Variants in PREP observed in about 807,000 individuals in gnomAD.
PREP encodes the protein prolyl endopeptidase.
PREP carries 29 observed loss-of-function variants against 87.6 expected under a neutral mutation model. That is an observed-to-expected ratio of 0.33 (90% CI 0.25 to 0.45). PREP has a LOEUF of 0.45. Among genes scored for constraint, PREP ranks in the 20% least tolerant of loss-of-function variants. PREP has a pLI of 1.00. For missense variants in PREP, 695 were observed against 886.5 expected (o/e 0.78, Z 2.74); for synonymous variants, 337 against 328.6 (o/e 1.03, Z -0.28).
At chr6:105,332,166 C>G (rs138577713) in intron 8 of PREP, among the ~76,000 whole-genome samples, 86 of 152,170 alleles carry the variant, frequency 5.7e-4, no homozygotes, top group African/African-American at 2.0e-3. Context: ...AGGGGCTGAA[C>G]AGACTCTCAA....
chr6:105,367,776 A>C (rs1313274259), intron 6 of PREP, among the ~76,000 whole-genome samples: 1 of 152,254 alleles, frequency 6.6e-6, no homozygotes, highest in East Asian at 1.9e-4. Flanking sequence ...TTTTTCTATA[A>C]AGGTCTAGAT....
chr6:105,355,426 ACT>A (rs934517968), intron 6 of PREP, among the ~76,000 whole-genome samples: 4 of 152,132 alleles, frequency 2.6e-5, no homozygotes, highest in African/African-American at 9.7e-5. Flanking sequence ...GCATCTTTCC[ACT>A]GTTTTCTGAC....
chr6:105,323,785 G>A lies in PREP; in HGVS notation c.1214-17C>T, dbSNP rs1771079190. On this transcript the variant is annotated splice_polypyrimidine_tract_variant and intron_variant, in intron 9 of 14. Coordinates refer to ENST00000652536, the MANE Select transcript of PREP (RefSeq NM_002726.5). ...AAATGATACCTAAAAAGTAGAATAA[G>A]GCTTGGTTTAGTCTACGGGACTCAC... 1 of 1,591,556 alleles carries A rather than the reference G, an allele frequency of 6.3e-7. No homozygotes were observed. Among genetic ancestry groups the A allele is most frequent in the East Asian group, 2.2e-5 (1 of 44,784 alleles).
intron 2 of PREP, among the ~76,000 whole-genome samples, chr6:105,387,184 T>TGC (rs559216695): frequency 6.6e-6 from 1 of 151,636 alleles, no homozygotes; most frequent in South Asian, 2.1e-4. Flanking sequence ...GCCACTGCAC[T>TGC]GCGGCCTGGG....
intron 7 of PREP, among the ~76,000 whole-genome samples, chr6:105,349,761 T>C (rs1771895931): frequency 6.6e-6 from 1 of 152,050 alleles, no homozygotes; most frequent in African/African-American, 2.4e-5. Context: ...TTTCACAACA[T>C]GGATTGAGTT....
intron 7 of PREP, among the ~76,000 whole-genome samples, chr6:105,335,331 A>G (rs1771451297): frequency 6.6e-6 from 1 of 152,170 alleles, no homozygotes; most frequent in Admixed American, 6.5e-5. Context: ...AAATTGCTAC[A>G]CTAATTTGGG....
intron 7 of PREP, among the ~76,000 whole-genome samples, chr6:105,351,235 C>T (rs1453448005): frequency 6.6e-6 from 1 of 152,184 alleles, no homozygotes; most frequent in Non-Finnish European, 1.5e-5. Flanking sequence ...TTGAGTGGGC[C>T]TGACTCAATC....
At chr6:105,333,566 G>T in intron 7 of PREP, 61 bp from the exon 8 acceptor site, 1 of 1,512,190 alleles carries the variant, frequency 6.6e-7, no homozygotes, top group Admixed American at 1.7e-5. Flanking sequence ...GTTGCTTTGT[G>T]TGTAGGGAGG....
At chr6:105,293,389 C>T (rs73512068) in intron 10 of PREP, among the ~76,000 whole-genome samples, 2,387 of 152,184 alleles carry the variant, frequency 0.016, 58 homozygotes, top group African/African-American at 0.055. Context: ...CAGTCTTATA[C>T]GGGTGTGGTC....
chr6:105,363,083 G>A (rs948182804), intron 6 of PREP, among the ~76,000 whole-genome samples: 1 of 151,956 alleles, frequency 6.6e-6, no homozygotes, highest in Non-Finnish European at 1.5e-5. Flanking sequence ...AATTACTAGG[G>A]TTCACAGGTG....
chr6:105,347,756 T>C (rs1163887001), intron 7 of PREP, among the ~76,000 whole-genome samples: 2 of 152,140 alleles, frequency 1.3e-5, no homozygotes, highest in Non-Finnish European at 2.9e-5. Context: ...CTCACACCTG[T>C]AATCCCAGCA....
intron 9 of PREP, among the ~76,000 whole-genome samples, chr6:105,328,352 G>T (rs1334136436): frequency 1.3e-5 from 2 of 151,974 alleles, no homozygotes; most frequent in African/African-American, 4.8e-5. Flanking sequence ...CCACCTCCCG[G>T]GTTCAAGTGA....
intron 6 of PREP, among the ~76,000 whole-genome samples, chr6:105,362,647 G>A (rs1457388634): frequency 2.0e-5 from 3 of 152,154 alleles, no homozygotes; most frequent in Non-Finnish European, 2.9e-5. Flanking sequence ...CTCTAGCTTG[G>A]CTTTCTGACT....
At position 105,334,185 on chromosome 6, in the gene PREP, C is replaced by T. The variant is rs151185645; in HGVS notation, c.824-680G>A. Among the ~76,000 whole-genome samples the T allele has an allele frequency of 8.5e-5, 13 of 152,260 alleles. 1 individual carries two copies. The East Asian group carries it at 2.3e-3, about 27-fold the overall frequency. ...CTTTTAAAGTGATCCATGTTAGTGCCCTTAGAAACTTTCAATGACTTCTCC... is the reference window on the plus strand; with the variant it reads ...CTTTTAAAGTGATCCATGTTAGTGCTCTTAGAAACTTTCAATGACTTCTCC... On this transcript the variant is annotated intron_variant, in intron 7 of 14. Transcript: ENST00000652536.
At chr6:105,351,453 T>C (rs1771950108) in intron 7 of PREP, among the ~76,000 whole-genome samples, 1 of 152,252 alleles carries the variant, frequency 6.6e-6, no homozygotes, top group African/African-American at 2.4e-5. Context: ...CTTTTCTAAA[T>C]GCTAACGCTG....
chr6:105,365,639 G>A (rs1772365370), intron 6 of PREP, among the ~76,000 whole-genome samples: 1 of 152,096 alleles, frequency 6.6e-6, no homozygotes. Flanking sequence ...AAAGGAGGAA[G>A]GAAGGAGCAC....
intron 10 of PREP, chr6:105,302,614 C>T: frequency 2.2e-6 from 1 of 448,136 alleles, no homozygotes; most frequent in South Asian, 1.8e-5. Flanking sequence ...TGTAGAATTT[C>T]CTGAGGTTTT....
intron 10 of PREP, among the ~76,000 whole-genome samples, chr6:105,314,481 T>C (rs1176334630): frequency 6.6e-6 from 1 of 152,238 alleles, no homozygotes; most frequent in Non-Finnish European, 1.5e-5. Flanking sequence ...AATTCTTTGT[T>C]GTCATTTCAA....
In PREP at chr6:105,332,977, T is replaced by A. The variant is rs149366174; in HGVS notation, c.1015+337A>T. 2.2e-3 allele frequency among the ~76,000 whole-genome samples: 331 copies of A among 152,336 alleles called. 1 individual carries two copies. The highest frequency in any genetic ancestry group is 7.6e-3 in the African/African-American group (317 of 41,590). ...AGCTTAAAGCTAAGGATTCTAAATC[T>A]AAACAGTTTTAAAAATTAAATGTTC... On this transcript the variant is annotated intron_variant, in intron 8 of 14. Transcript: ENST00000652536.
Sources: gnomAD v4.1 joint callset for allele counts (sites outside exome capture counted in the v4.1 genomes callset) on GRCh38, gnomAD v4.1.1 for gene constraint, MANE v1.5 for transcripts, NCBI Gene and HGNC (gene_info 2026-07-23, HGNC 2026-07-21) for gene names.